The following TMCO6 variants were observed in gnomAD, a reference collection of about 807,000 sequenced individuals.
The protein encoded by TMCO6 is transmembrane and coiled-coil domains 6.
In TMCO6, 47 loss-of-function variants were observed where a neutral mutation model predicts 61.8. The ratio of observed to expected loss-of-function variants is 0.76; its 90% CI spans 0.60 to 0.97. The LOEUF (loss-of-function observed/expected upper bound fraction) is 0.97, where lower values mean the gene tolerates loss of function less well. TMCO6 is among the 50% of genes least tolerant of loss of function. TMCO6 has a pLI of 0.00. For missense variants in TMCO6, 557 were observed against 601.6 expected, an observed-to-expected ratio of 0.93 and a Z score of 0.78; for synonymous variants, 261 against 254.2, an observed-to-expected ratio of 1.03 and a Z score of -0.25.
At chr5:140,605,648 C>A in the TMCO6 span, among the ~76,000 whole-genome samples, 1 of 151,770 alleles carries the variant, frequency 6.6e-6, no homozygotes, top group African/African-American at 2.4e-5. Flanking sequence ...TCGTTGCACT[C>A]CAGCCTGGGT....
the TMCO6 span, among the ~76,000 whole-genome samples, chr5:140,630,376 A>C: frequency 6.6e-6 from 1 of 152,098 alleles, no homozygotes; most frequent in East Asian, 1.9e-4. Context: ...AGCTCAGGCT[A>C]CCGTAATAAA....
At chr5:140,599,329 A>T in the TMCO6 span, among the ~76,000 whole-genome samples, 1 of 152,100 alleles carries the variant, frequency 6.6e-6, no homozygotes, top group Admixed American at 6.6e-5. Context: ...ACTTTAATCT[A>T]TCCCTCAAAT....
the TMCO6 span, among the ~76,000 whole-genome samples, chr5:140,621,573 T>G: frequency 3.3e-5 from 5 of 152,184 alleles, no homozygotes; most frequent in African/African-American, 1.2e-4. Context: ...TTGAGCAATA[T>G]GAAATCCGGG....
chr5:140,647,652 C>A, downstream of TMCO6: 1 of 1,564,302 alleles, frequency 6.4e-7, no homozygotes, highest in South Asian at 1.1e-5. Context: ...CAACCGCGGA[C>A]CCTAAAGCCT....
the TMCO6 span, among the ~76,000 whole-genome samples, chr5:140,627,022 T>A: frequency 1.3e-5 from 2 of 151,980 alleles, no homozygotes; most frequent in African/African-American, 2.4e-5. Context: ...GCTTCTACTT[T>A]TCCCTATCCA....
the TMCO6 span, among the ~76,000 whole-genome samples, chr5:140,610,891 CT>C: frequency 6.6e-6 from 1 of 152,126 alleles, no homozygotes; most frequent in African/African-American, 2.4e-5. Flanking sequence ...AGAAAGTTCC[CT>C]TCCTTCCTTT....
upstream of TMCO6, among the ~76,000 whole-genome samples, chr5:140,634,610 T>C (rs1349485930): frequency 6.8e-5 from 10 of 147,478 alleles, no homozygotes. Flanking sequence ...CTCAGATTCC[T>C]GAGTAGCTGG....
chr5:140,645,209 A>G lies in TMCO6; in HGVS notation c.*111A>G. 8.9e-7 allele frequency: 1 copy of G among 1,127,510 alleles called. No individual in the cohort carries two copies. Among genetic ancestry groups the G allele is most frequent in the South Asian group, 1.3e-5 (1 of 74,414 alleles). The allele number at this position is 1,127,510 out of a possible 1,614,324, so 69.8% of individuals were successfully genotyped here. Reference sequence around the variant, plus strand: ...ATGAGGTCTCATGTTCTCTGCTCCCACACCTAAGCCAAGACCTTTGGGTCC... The same window carrying G: ...ATGAGGTCTCATGTTCTCTGCTCCCGCACCTAAGCCAAGACCTTTGGGTCC... On this transcript the variant is annotated 3_prime_UTR_variant, in exon 12 of 12. Coordinates refer to ENST00000394671, the MANE Select transcript of TMCO6 (RefSeq NM_018502.5).
At chr5:140,643,491 C>T in intron 7 of TMCO6, 73 bp from the exon 8 acceptor site, 1 of 1,424,708 alleles carries the variant, frequency 7.0e-7, no homozygotes, top group South Asian at 1.2e-5. Flanking sequence ...GCCACCACGC[C>T]TAGGCAACTG....
At chr5:140,646,007 C>G (rs914455333), downstream of TMCO6, among the ~76,000 whole-genome samples, 1 of 138,580 alleles carries the variant, frequency 7.2e-6, no homozygotes, top group African/African-American at 2.7e-5. Flanking sequence ...CCCATTCTCT[C>G]TCTTTTTTTT....
upstream of TMCO6, among the ~76,000 whole-genome samples, chr5:140,636,082 T>G (rs1458719662): frequency 6.6e-6 from 1 of 152,200 alleles, no homozygotes; most frequent in African/African-American, 2.4e-5. Flanking sequence ...CATCGCAACC[T>G]CCACCTCCTG....
the TMCO6 span, among the ~76,000 whole-genome samples, chr5:140,622,878 G>T: frequency 6.6e-6 from 1 of 152,070 alleles, no homozygotes; most frequent in African/African-American, 2.4e-5. Context: ...TTCTTTTTAT[G>T]TATTTATATT....
intron 7 of TMCO6, 142 bp downstream of exon 7, chr5:140,643,183 C>A: frequency 8.2e-7 from 1 of 1,220,512 alleles, no homozygotes; most frequent in East Asian, 2.5e-5. Context: ...CCAGGAGACC[C>A]ACAGACCTTA....
the TMCO6 span, among the ~76,000 whole-genome samples, chr5:140,628,451 T>C: frequency 7.4e-4 from 113 of 152,132 alleles, no homozygotes; most frequent in South Asian, 3.3e-3. Context: ...CTTTTCTTTT[T>C]TTTTTGAGAC....
the TMCO6 span, among the ~76,000 whole-genome samples, chr5:140,604,824 A>G: frequency 7.1e-6 from 1 of 139,888 alleles, no homozygotes; most frequent in African/African-American, 2.7e-5. Flanking sequence ...TTTTCTCAGC[A>G]TTATTTTTGA....
chr5:140,602,793 CA>C, the TMCO6 span, among the ~76,000 whole-genome samples: 27 of 145,136 alleles, frequency 1.9e-4, no homozygotes, highest in East Asian at 6.1e-4. Context: ...CACACACACA[CA>C]AAAAAAAAGG....
the TMCO6 span, among the ~76,000 whole-genome samples, chr5:140,616,732 A>G: frequency 8.3e-3 from 1,271 of 152,350 alleles, 20 homozygotes; most frequent in African/African-American, 0.029. Context: ...ACTCAATAAC[A>G]GCAAAACAAC....
chr5:140,632,211 T>C, the TMCO6 span: 12 of 1,613,586 alleles, frequency 7.4e-6, no homozygotes, highest in Non-Finnish European at 8.5e-6. The surrounding 1 kb of genome is among the most constrained non-coding windows in gnomAD (Gnocchi z 6.2). Context: ...CAGCGAGTTG[T>C]GGCTGAGGTC....
At chr5:140,640,526 C>G (rs551884090) in intron 2 of TMCO6, among the ~76,000 whole-genome samples, 173 of 152,120 alleles carry the variant, frequency 1.1e-3, no homozygotes, top group African/African-American at 4.0e-3. Context: ...CTGCCTCAGC[C>G]TCCCGAGTAG....
Sources: allele counts gnomAD v4.1 joint callset (sites outside exome capture counted in the v4.1 genomes callset), GRCh38; gene constraint gnomAD v4.1.1; non-coding constraint Gnocchi (gnomAD v3.1); transcripts MANE v1.5; gene names NCBI Gene and HGNC (gene_info 2026-07-23, HGNC 2026-07-21).